Variants in THEMIS observed in about 807,000 individuals in gnomAD.
THEMIS encodes the protein thymocyte selection associated.
THEMIS carries 37 observed loss-of-function variants against 52.6 expected under a neutral mutation model. That is an observed-to-expected ratio of 0.70 (90% CI 0.54 to 0.93). The LOEUF is 0.93. THEMIS is among the 40% of genes least tolerant of loss of function. The pLI, the probability that THEMIS is intolerant of heterozygous loss-of-function variation, is 0.00. For missense variants in THEMIS, 808 were observed against 763.1 expected, an observed-to-expected ratio of 1.06 and a Z score of -0.69; for synonymous variants, 292 against 272.7, an observed-to-expected ratio of 1.07 and a Z score of -0.70.
chr6:127,805,146 T>C (rs1156917595), intron 4 of THEMIS, among the ~76,000 whole-genome samples: 1 of 152,112 alleles, frequency 6.6e-6, no homozygotes, highest in Non-Finnish European at 1.5e-5. Flanking sequence ...AATTCTCTCT[T>C]ATTTTGTTCT....
intron 4 of THEMIS, among the ~76,000 whole-genome samples, chr6:127,728,640 G>T (rs1453832858): frequency 1.3e-5 from 2 of 152,178 alleles, no homozygotes; most frequent in African/African-American, 4.8e-5. Context: ...CAAAGGTAAA[G>T]GTATTGGGGA....
chr6:127,897,762 T>A (rs1348812094), intron 1 of THEMIS, among the ~76,000 whole-genome samples: 4 of 151,636 alleles, frequency 2.6e-5, no homozygotes, highest in Non-Finnish European at 5.9e-5. Flanking sequence ...ACACACAATA[T>A]GACATAGTAA....
chr6:127,881,546 A>C (rs115055171), intron 1 of THEMIS, among the ~76,000 whole-genome samples: 3,784 of 152,044 alleles, frequency 0.025, 183 homozygotes, highest in African/African-American at 0.086. Flanking sequence ...ATCTTTAAGT[A>C]TGAACACTCT....
chr6:127,811,009 G>A (rs1181685528), intron 4 of THEMIS, among the ~76,000 whole-genome samples: 5 of 151,946 alleles, frequency 3.3e-5, no homozygotes, highest in Non-Finnish European at 5.9e-5. Flanking sequence ...TGCTCTATGG[G>A]TACATGTGCT....
At chr6:127,884,957 T>C (rs113945441) in intron 1 of THEMIS, among the ~76,000 whole-genome samples, 2,096 of 152,168 alleles carry the variant, frequency 0.014, 46 homozygotes, top group African/African-American at 0.048. Context: ...TATCTCTTCT[T>C]ATAAGGACCC....
chr6:127,845,639 C>T (rs965931026), intron 2 of THEMIS, among the ~76,000 whole-genome samples: 1 of 151,846 alleles, frequency 6.6e-6, no homozygotes, highest in East Asian at 1.9e-4. Context: ...TCTGGAAGAT[C>T]ACACTTGCAT....
At chr6:127,904,921 C>T (rs765824404), upstream of THEMIS, among the ~76,000 whole-genome samples, 11 of 151,812 alleles carry the variant, frequency 7.2e-5, no homozygotes, top group Non-Finnish European at 1.5e-4. Context: ...GAAATGGGAG[C>T]GTAGGAAATA....
intron 1 of THEMIS, among the ~76,000 whole-genome samples, chr6:127,889,693 C>G (rs553644553): frequency 6.6e-6 from 1 of 152,000 alleles, no homozygotes; most frequent in African/African-American, 2.4e-5. Context: ...CCTAATTTAT[C>G]TCTGCATCGG....
chr6:127,769,895 A>T (rs1776324869), intron 4 of THEMIS, among the ~76,000 whole-genome samples: 1 of 152,126 alleles, frequency 6.6e-6, no homozygotes, highest in East Asian at 1.9e-4. Context: ...TCCTTGTGAT[A>T]GTTTGCTCAG....
chr6:127,854,823 A>AAGATAAAC (rs1340226029), intron 2 of THEMIS, among the ~76,000 whole-genome samples: 1 of 151,892 alleles, frequency 6.6e-6, no homozygotes, highest in African/African-American at 2.4e-5. Flanking sequence ...TCTTAAGTAC[A>AAGATAAAC]AGATAAACAT....
the THEMIS span, among the ~76,000 whole-genome samples, chr6:127,700,923 G>A: frequency 1.3e-5 from 2 of 151,966 alleles, no homozygotes; most frequent in South Asian, 4.1e-4. Context: ...AAGTCCGTTA[G>A]GCTCTCATCC....
intron 2 of THEMIS, among the ~76,000 whole-genome samples, chr6:127,837,994 A>G (rs987974071): frequency 6.6e-6 from 1 of 152,040 alleles, no homozygotes; most frequent in Non-Finnish European, 1.5e-5. Flanking sequence ...TTCTAAAATG[A>G]TTATTTCTTT....
chr6:127,779,602 A>G (rs1187497339), intron 4 of THEMIS, among the ~76,000 whole-genome samples: 1 of 152,196 alleles, frequency 6.6e-6, no homozygotes, highest in African/African-American at 2.4e-5. Flanking sequence ...AAGAGCTCCA[A>G]TGAGAAATAG....
intron 4 of THEMIS, among the ~76,000 whole-genome samples, chr6:127,767,435 T>A (rs912060171): frequency 7.9e-5 from 12 of 152,062 alleles, no homozygotes; most frequent in African/African-American, 2.9e-4. Flanking sequence ...TTTTTTTCAA[T>A]GTTTAAAATT....
intron 3 of THEMIS, among the ~76,000 whole-genome samples, chr6:127,820,316 T>C (rs1562279525): frequency 1.3e-5 from 2 of 151,874 alleles, no homozygotes; most frequent in African/African-American, 4.8e-5. Flanking sequence ...ACTTTAAGAA[T>C]GAAAAGAAAT....
chr6:127,743,055 T>C lies in THEMIS; in HGVS notation c.1759-23232A>G, dbSNP rs1238391758. Among the ~76,000 whole-genome samples the C allele has an allele frequency of 2.0e-5, 3 of 152,206 alleles. No homozygotes were observed. The South Asian group carries it at 6.2e-4, about 32-fold the overall frequency. ...AATAAATTATTTTAGAAATAATATA[T>C]AGCACATAAAAGGTGATTCATTAAA... On this transcript the variant is annotated intron_variant, in intron 4 of 5. Transcript: ENST00000368248.
intron 4 of THEMIS, among the ~76,000 whole-genome samples, chr6:127,757,980 A>G (rs1156896908): frequency 6.6e-6 from 1 of 151,958 alleles, no homozygotes; most frequent in African/African-American, 2.4e-5. Context: ...TTATATTCAC[A>G]TACGAATATG....
intron 4 of THEMIS, among the ~76,000 whole-genome samples, chr6:127,802,139 C>T (rs1367316141): frequency 6.6e-6 from 1 of 152,166 alleles, no homozygotes; most frequent in Non-Finnish European, 1.5e-5. Context: ...AATGCCTGAT[C>T]TTCCTTGGTT....
chr6:127,800,805 C>A (rs1777506937), intron 4 of THEMIS, among the ~76,000 whole-genome samples: 1 of 152,190 alleles, frequency 6.6e-6, no homozygotes, highest in Non-Finnish European at 1.5e-5. Context: ...ACATCGGACT[C>A]CAAGTTCTTC....
Sources: gnomAD v4.1 joint callset for allele counts (sites outside exome capture counted in the v4.1 genomes callset) on GRCh38, gnomAD v4.1.1 for gene constraint, MANE v1.5 for transcripts, NCBI Gene and HGNC (gene_info 2026-07-23, HGNC 2026-07-21) for gene names.